The following CUBN variants were observed in gnomAD, a reference collection of about 807,000 sequenced individuals.
CUBN encodes cubilin.
In CUBN, 282 loss-of-function variants were observed where a neutral mutation model predicts 405.3. The ratio of observed to expected loss-of-function variants is 0.70; its 90% CI spans 0.63 to 0.77. The LOEUF (loss-of-function observed/expected upper bound fraction) is 0.77. Ranked by LOEUF, CUBN falls within the 30% of genes least tolerant of loss-of-function variation. CUBN has a pLI of 0.00. For synonymous variants in CUBN, 1,684 were observed against 1,617.0 expected, an observed-to-expected ratio of 1.04 and a Z score of -0.99; for missense variants, 4,514 against 4,475.2, an observed-to-expected ratio of 1.01 and a Z score of -0.25.
intron 54 of CUBN, among the ~76,000 whole-genome samples, chr10:16,894,532 T>C (rs527781666): frequency 6.6e-6 from 1 of 152,332 alleles, no homozygotes; most frequent in East Asian, 1.9e-4. Flanking sequence ...TGTGAGTGTA[T>C]TTCTAGGTTC....
intron 59 of CUBN, among the ~76,000 whole-genome samples, chr10:16,861,598 G>C (rs1840015595): frequency 6.7e-6 from 1 of 150,294 alleles, no homozygotes; most frequent in Non-Finnish European, 1.5e-5. Flanking sequence ...TGTTTTTACA[G>C]ATAAAAAAAA....
At chr10:17,078,931 G>T (rs1056528495) in intron 17 of CUBN, among the ~76,000 whole-genome samples, 3 of 152,010 alleles carry the variant, frequency 2.0e-5, no homozygotes, top group Admixed American at 6.6e-5. Flanking sequence ...ATGTTCAATG[G>T]GTTTGCAGCT....
At chr10:17,087,910 G>T (rs1260954725) in intron 15 of CUBN, among the ~76,000 whole-genome samples, 1 of 152,122 alleles carries the variant, frequency 6.6e-6, no homozygotes, top group Non-Finnish European at 1.5e-5. Flanking sequence ...TCATGGCAGG[G>T]GTGTGAGCTT....
chr10:17,084,922 C>T (rs567481522), intron 16 of CUBN, among the ~76,000 whole-genome samples: 1 of 152,152 alleles, frequency 6.6e-6, no homozygotes, highest in East Asian at 1.9e-4. Flanking sequence ...CACCAGATTC[C>T]GTGGAAAGAA....
chr10:16,836,435 G>A, intron 62 of CUBN, 53 bp from the exon 63 acceptor site: 1 of 1,521,648 alleles, frequency 6.6e-7, no homozygotes, highest in Non-Finnish European at 9.1e-7. Context: ...GAAGAGAACA[G>A]GCCATAACAG....
chr10:16,928,532 C>CTTTTTTT (rs35335421), intron 40 of CUBN, among the ~76,000 whole-genome samples: 7 of 107,116 alleles, frequency 6.5e-5, no homozygotes, highest in South Asian at 3.4e-4. Context: ...CCACCCCCCC[C>CTTTTTTT]TTTTTTTTTT....
At position 17,047,513 on chromosome 10, in the gene CUBN, C is replaced by G. The variant is rs184585798; in HGVS notation, c.3230G>C (p.Arg1077Pro). 6.2e-7 allele frequency: 1 copy of G among 1,613,584 alleles called. No individual in the cohort carries two copies. The highest frequency in any genetic ancestry group is 8.5e-7 in the Non-Finnish European group (1 of 1,179,728). The change falls in exon 23 of 67, where the codon CGG (arginine) becomes CCG (proline). Residue 1077 changes from arginine to proline, a missense_variant. Arg to Pro is a moderately radical substitution (Grantham distance 103). Transcript: ENST00000377833. ...CAGTTGGCCAGTTCTCACTGTGATCCGATAAATGCATTCCCAGTTGTTGGG... is the reference window on the plus strand; with the variant it reads ...CAGTTGGCCAGTTCTCACTGTGATCGGATAAATGCATTCCCAGTTGTTGGG... ...NYPNNWECIY[R>P]ITVRTGQLIA...
rs775573918 is a variant in CUBN at position 17,087,472 on chromosome 10, C to CTTTTTTTTT, written c.1947+683_1947+691dup. On this transcript the variant is annotated intron_variant, in intron 15 of 66. Transcript: ENST00000377833. ...CACAATCACTATTATTTTTCTTTTT[C>CTTTTTTTTT]TTTTTTTTTTTTTTTTTTTTTTAGA... Among the ~76,000 whole-genome samples the CTTTTTTTTT allele has an allele frequency of 1.2e-3, 85 of 71,728 alleles. 3 individuals carry two copies. The highest frequency in any genetic ancestry group is 3.4e-3 in the South Asian group (5 of 1,470). The allele number at this position is 71,728 out of a possible 152,430, so 47.1% of individuals were successfully genotyped here. A position where few individuals can be genotyped will look rare whatever the true frequency, so the allele number is the denominator to read the frequency against.
At chr10:16,846,164 T>C (rs1229545262) in intron 60 of CUBN, among the ~76,000 whole-genome samples, 10 of 152,246 alleles carry the variant, frequency 6.6e-5, no homozygotes, top group Non-Finnish European at 1.0e-4. Context: ...GGGAAGACTG[T>C]ACTTTGTTTG....
At chr10:16,902,778 T>C (rs971255152) in intron 51 of CUBN, among the ~76,000 whole-genome samples, 3 of 151,434 alleles carry the variant, frequency 2.0e-5, no homozygotes, top group Admixed American at 6.6e-5. Context: ...AGTGAAAGAG[T>C]GAAGTCTGAG....
At chr10:17,083,721 T>C (rs1836027657) in intron 17 of CUBN, among the ~76,000 whole-genome samples, 1 of 152,164 alleles carries the variant, frequency 6.6e-6, no homozygotes, top group Non-Finnish European at 1.5e-5. Flanking sequence ...AATTCTTCTC[T>C]AGTTTATGTA....
intron 20 of CUBN, 70 bp from the exon 21 acceptor site, chr10:17,068,350 T>C: frequency 1.4e-6 from 2 of 1,465,880 alleles, no homozygotes; most frequent in Non-Finnish European, 1.9e-6. Flanking sequence ...TAAAAGGCTC[T>C]GATAATAACC....
chr10:17,049,968 G>A (rs574909591), intron 22 of CUBN, among the ~76,000 whole-genome samples: 1 of 152,034 alleles, frequency 6.6e-6, no homozygotes, highest in Non-Finnish European at 1.5e-5. Flanking sequence ...GTAGTACCTG[G>A]CCCAGATGAG....
intron 34 of CUBN, among the ~76,000 whole-genome samples, chr10:16,949,735 A>G (rs960862208): frequency 2.0e-5 from 3 of 152,116 alleles, no homozygotes; most frequent in Non-Finnish European, 2.9e-5. Context: ...GCATTCCACT[A>G]TTCTTTAAAG....
chr10:17,023,071 G>A (rs1010159724), intron 27 of CUBN, among the ~76,000 whole-genome samples: 10 of 152,186 alleles, frequency 6.6e-5, no homozygotes, highest in Admixed American at 5.9e-4. Flanking sequence ...TAAGAAATGT[G>A]GCATTTTCAC....
At chr10:16,941,445 G>A (rs932762752) in intron 36 of CUBN, among the ~76,000 whole-genome samples, 3 of 152,044 alleles carry the variant, frequency 2.0e-5, no homozygotes, top group East Asian at 1.9e-4. Flanking sequence ...TGTGACCTTG[G>A]GATGGGCAAA....
At chr10:17,078,943 C>CT (rs537694836) in intron 17 of CUBN, among the ~76,000 whole-genome samples, 36 of 152,304 alleles carry the variant, frequency 2.4e-4, no homozygotes, top group Admixed American at 3.9e-4. Flanking sequence ...TTTGCAGCTT[C>CT]TACATGAGCA....
chr10:16,921,514 A>G (rs1842033172), intron 43 of CUBN, among the ~76,000 whole-genome samples: 1 of 152,094 alleles, frequency 6.6e-6, no homozygotes, highest in Non-Finnish European at 1.5e-5. Flanking sequence ...AAGTCACCTC[A>G]CAGTTATATG....
At chr10:16,826,519 C>A (rs1490083228) in intron 66 of CUBN, among the ~76,000 whole-genome samples, 1 of 152,022 alleles carries the variant, frequency 6.6e-6, no homozygotes, top group Non-Finnish European at 1.5e-5. Context: ...TTATGTTTTA[C>A]ATTTTTTCAT....
Sources: allele counts gnomAD v4.1 joint callset (sites outside exome capture counted in the v4.1 genomes callset), GRCh38; gene constraint gnomAD v4.1.1; transcripts MANE v1.5; gene names NCBI Gene and HGNC (gene_info 2026-07-23, HGNC 2026-07-21).